Variants in GSTCD observed in about 807,000 individuals in gnomAD.
GSTCD encodes glutathione S-transferase C-terminal domain containing, also known as glutathione S-transferase C-terminal domain-containing protein.
GSTCD carries 44 observed loss-of-function variants against 68.3 expected under a neutral mutation model. The ratio of observed to expected loss-of-function variants is 0.64; its 90% CI spans 0.51 to 0.83. The LOEUF is 0.83. GSTCD is among the 40% of genes least tolerant of loss of function. GSTCD has a pLI of 0.00. For missense variants in GSTCD, 739 were observed against 735.9 expected, an observed-to-expected ratio of 1.00 and a Z score of -0.05; for synonymous variants, 273 against 255.2, an observed-to-expected ratio of 1.07 and a Z score of -0.67.
intron 11 of GSTCD, among the ~76,000 whole-genome samples, 178 bp downstream of exon 11, chr4:105,842,312 A>G (rs1724388263): frequency 6.6e-6 from 1 of 152,212 alleles, no homozygotes; most frequent in Non-Finnish European, 1.5e-5. Flanking sequence ...TAACTATAAC[A>G]TTTTATCCTA....
At chr4:105,710,232 A>ATTTTTTT (rs761574598) in intron 1 of GSTCD, among the ~76,000 whole-genome samples, 1,375 of 85,624 alleles carry the variant, frequency 0.016, 232 homozygotes, top group African/African-American at 0.057. Context: ...GGGCCCATCA[A>ATTTTTTT]TTTTTTTTTT....
chr4:105,770,445 C>T (rs1018394878), intron 5 of GSTCD, among the ~76,000 whole-genome samples: 1 of 151,080 alleles, frequency 6.6e-6, no homozygotes, highest in Non-Finnish European at 1.5e-5. Context: ...AATAAGTATA[C>T]ATGTGCCATG....
intron 11 of GSTCD, 98 bp downstream of exon 11, chr4:105,842,232 GT>G: frequency 2.3e-6 from 2 of 884,514 alleles, no homozygotes; most frequent in Non-Finnish European, 3.6e-6. Context: ...GCAACATGAA[GT>G]CTATTTTTCA....
chr4:105,777,353 C>T (rs1578466476), intron 5 of GSTCD, among the ~76,000 whole-genome samples: 1 of 152,144 alleles, frequency 6.6e-6, no homozygotes, highest in East Asian at 1.9e-4. Flanking sequence ...CATGGATCCT[C>T]CAGGCATAAC....
chr4:105,723,612 G>C (rs1356326076), intron 3 of GSTCD, among the ~76,000 whole-genome samples: 1 of 151,658 alleles, frequency 6.6e-6, no homozygotes, highest in African/African-American at 2.4e-5. Context: ...TTGGGTTTCT[G>C]ATACAGGTCT....
rs78192041 is a variant in GSTCD, at chr4:105,748,215, A to T, written c.1240+18716A>T. Among the ~76,000 whole-genome samples the T allele has an allele frequency of 3.0e-4, 45 of 152,190 alleles. No individual in the cohort carries two copies. The East Asian group carries it at 8.7e-3, about 29-fold the overall frequency. On this transcript the variant is annotated intron_variant, in intron 5 of 11. Transcript: ENST00000515279. ...GGTTGGGGTGAGTCAAGATCATGCC[A>T]CTGTATTCTAGCCTGGGCGACAGAG...
chr4:105,791,662 G>C (rs552061364), intron 5 of GSTCD, among the ~76,000 whole-genome samples: 16 of 152,012 alleles, frequency 1.1e-4, no homozygotes, highest in South Asian at 4.2e-4. Context: ...TTCTCTCCTT[G>C]AGAACATATA....
chr4:105,760,757 A>G (rs953246270), intron 5 of GSTCD, among the ~76,000 whole-genome samples: 1 of 152,198 alleles, frequency 6.6e-6, no homozygotes, highest in Non-Finnish European at 1.5e-5. Context: ...GAATGTCAGA[A>G]AAATAGTTTA....
In GSTCD at chr4:105,846,226, C is replaced by A. The variant is rs1157187803; in HGVS notation, c.*649C>A. The A allele has an allele frequency of 6.6e-6, 1 of 151,962 alleles. No homozygotes were observed. Among genetic ancestry groups the A allele is most frequent in the Non-Finnish European group, 1.5e-5 (1 of 68,040 alleles). The allele number at this position is 151,962 out of a possible 1,614,324, so 9.4% of individuals were successfully genotyped here. A position where few individuals can be genotyped will look rare whatever the true frequency, so the allele number is the denominator to read the frequency against. ...TTGAGCCCAGGATATCGAGACCAGC[C>A]TGCACTACAAAAAAATCCAAAAAAT... On this transcript the variant is annotated 3_prime_UTR_variant, in exon 12 of 12. Transcript: ENST00000515279.
chr4:105,804,663 A>C (rs1466936596), intron 5 of GSTCD, among the ~76,000 whole-genome samples: 1 of 152,046 alleles, frequency 6.6e-6, no homozygotes, highest in Admixed American at 6.6e-5. Context: ...TTTTAAGTTC[A>C]AGGGTACATG....
chr4:105,785,695 C>T (rs1456956785), intron 5 of GSTCD, among the ~76,000 whole-genome samples: 3 of 152,062 alleles, frequency 2.0e-5, no homozygotes, highest in Admixed American at 2.0e-4. Context: ...ATTGTAAAGG[C>T]TAAATGTATT....
Position 105,717,639 on chromosome 4 carries a change from CAGA to C in GSTCD, c.34_36del (p.Glu12del), listed in dbSNP as rs759566541. ...ATGAAAGCCATAAAGAAAAGTCTTA[CAGA>C]AGAAGAATACCTGTACCTGGACTTT... On this transcript the variant is annotated inframe_deletion, in exon 2 of 12. Transcript: ENST00000515279. 1.3e-5 allele frequency: 20 copies of C among 1,576,412 alleles called. No individual in the cohort carries two copies. In the Admixed American group the frequency reaches 3.3e-4, roughly 26 times the overall value.
chr4:105,717,840 T>C lies in GSTCD; in HGVS notation c.227T>C (p.Ile76Thr), dbSNP rs752430225. ...DLIQDVEIQIISRQELPPIVQ... is the reference protein window; with the variant it reads ...DLIQDVEIQITSRQELPPIVQ... Reference sequence around the variant, plus strand: ...ATCCAGGATGTTGAAATACAGATTATTTCAAGGCAGGAGCTCCCACCAATA... The same window carrying C: ...ATCCAGGATGTTGAAATACAGATTACTTCAAGGCAGGAGCTCCCACCAATA... Residue 76 changes from isoleucine to threonine, a missense_variant, in exon 2 of 12, where the codon ATT becomes ACT. By Grantham distance (89) the Ile-to-Thr change is moderately conservative. Transcript: ENST00000515279. 3 of 1,614,032 alleles carry C rather than the reference T, an allele frequency of 1.9e-6. No homozygotes were observed. The African/African-American group carries it at 4.0e-5, about 22-fold the overall frequency.
At chr4:105,825,135 T>TTGGTTGGTTG (rs1560848887) in intron 7 of GSTCD, among the ~76,000 whole-genome samples, 74 of 149,126 alleles carry the variant, frequency 5.0e-4, no homozygotes, top group African/African-American at 1.9e-3. Flanking sequence ...TTGGTTGGTT[T>TTGGTTGGTTG]GTTTGTTTGT....
chr4:105,741,044 A>G (rs986878434), intron 5 of GSTCD, among the ~76,000 whole-genome samples: 11 of 152,140 alleles, frequency 7.2e-5, no homozygotes, highest in African/African-American at 2.4e-4. Context: ...TAATAGCTCA[A>G]TTTCTTCACT....
intron 5 of GSTCD, among the ~76,000 whole-genome samples, chr4:105,737,836 C>A (rs1733508815): frequency 6.6e-6 from 1 of 152,156 alleles, no homozygotes; most frequent in African/African-American, 2.4e-5. Context: ...GAAATTTGAA[C>A]CCAAATGTTG....
intron 5 of GSTCD, 106 bp from the exon 6 acceptor site, chr4:105,822,848 C>T (rs1723373872): frequency 4.2e-6 from 3 of 712,944 alleles, no homozygotes; most frequent in African/African-American, 1.8e-5. Context: ...TGTGTGTATG[C>T]TCCTCCCCCT....
intron 5 of GSTCD, among the ~76,000 whole-genome samples, chr4:105,774,475 G>T (rs1734977139): frequency 1.3e-5 from 2 of 152,092 alleles, no homozygotes; most frequent in South Asian, 4.2e-4. Context: ...GTATGTTTTT[G>T]CAGTTGCTGG....
intron 5 of GSTCD, among the ~76,000 whole-genome samples, chr4:105,734,668 CT>C (rs1733391439): frequency 2.0e-5 from 3 of 152,104 alleles, no homozygotes; most frequent in African/African-American, 4.8e-5. Context: ...CTGAAGCCTT[CT>C]TCTTTCAACT....
Sources: gnomAD v4.1 joint callset for allele counts (sites outside exome capture counted in the v4.1 genomes callset) on GRCh38, gnomAD v4.1.1 for gene constraint, MANE v1.5 for transcripts, NCBI Gene and HGNC (gene_info 2026-07-23, HGNC 2026-07-21) for gene names.